The following SSBP2 variants were observed in gnomAD, a reference collection of about 807,000 sequenced individuals.
SSBP2 encodes single stranded DNA binding protein 2, also known as single-stranded DNA-binding protein 2.
Under a neutral mutation model 61.8 loss-of-function variants are expected in SSBP2, and 17 were observed. That is an observed-to-expected ratio of 0.28 (90% CI 0.19 to 0.41). The LOEUF is 0.41. SSBP2 is among the 10% of genes least tolerant of loss of function. SSBP2 has a pLI of 1.00. For synonymous variants in SSBP2, 139 were observed against 141.3 expected (o/e 0.98, Z 0.12); for missense variants, 310 against 458.7 (o/e 0.68, Z 2.96).
chr5:81,669,387 C>T (rs1751409262), intron 1 of SSBP2, among the ~76,000 whole-genome samples: 1 of 152,124 alleles, frequency 6.6e-6, no homozygotes, highest in Admixed American at 6.6e-5. Flanking sequence ...TGTTTGGCAA[C>T]TTTATTCATA....
At chr5:81,520,695 T>C (rs921785755) in intron 4 of SSBP2, among the ~76,000 whole-genome samples, 4 of 152,124 alleles carry the variant, frequency 2.6e-5, no homozygotes, top group Non-Finnish European at 5.9e-5. Flanking sequence ...ACTTAGTAAA[T>C]ATCCTTATTC....
intron 15 of SSBP2, 95 bp downstream of exon 15, chr5:81,437,335 A>G (rs559737790): frequency 8.2e-7 from 1 of 1,216,436 alleles, no homozygotes; most frequent in East Asian, 2.4e-5. Context: ...ACTCTTGTTC[A>G]AGAACAAAAT....
chr5:81,687,082 T>C (rs567968555), intron 1 of SSBP2, among the ~76,000 whole-genome samples: 4 of 152,254 alleles, frequency 2.6e-5, no homozygotes, highest in African/African-American at 9.6e-5. Context: ...TTCGGATCAC[T>C]GAAAGCAGCA....
At chr5:81,660,246 G>C (rs1424068157) in intron 1 of SSBP2, among the ~76,000 whole-genome samples, 1 of 152,028 alleles carries the variant, frequency 6.6e-6, no homozygotes, top group Non-Finnish European at 1.5e-5. Flanking sequence ...TACAGAATGG[G>C]AGAAAATTTT....
chr5:81,662,326 G>T (rs1750760786), intron 1 of SSBP2, among the ~76,000 whole-genome samples: 1 of 151,948 alleles, frequency 6.6e-6, no homozygotes, highest in South Asian at 2.1e-4. Flanking sequence ...AATTAGCCGG[G>T]CATGGTGGCA....
chr5:81,565,559 T>C (rs1773358752), intron 4 of SSBP2, among the ~76,000 whole-genome samples: 1 of 152,186 alleles, frequency 6.6e-6, no homozygotes, highest in Non-Finnish European at 1.5e-5. Flanking sequence ...AATCTATCCT[T>C]AACCACAAGT....
intron 1 of SSBP2, among the ~76,000 whole-genome samples, chr5:81,742,748 T>C (rs1434463872): frequency 6.6e-6 from 1 of 152,052 alleles, no homozygotes; most frequent in Non-Finnish European, 1.5e-5. Flanking sequence ...TGGTGGTGCA[T>C]GCCTGTAATC....
chr5:81,558,694 T>C (rs752120562), intron 4 of SSBP2, among the ~76,000 whole-genome samples: 3 of 152,242 alleles, frequency 2.0e-5, no homozygotes, highest in African/African-American at 4.8e-5. Flanking sequence ...CATGTTTGAA[T>C]ATAAAAGCTT....
chr5:81,525,422 G>C (rs534487675), intron 4 of SSBP2, among the ~76,000 whole-genome samples: 99 of 151,996 alleles, frequency 6.5e-4, no homozygotes, highest in African/African-American at 2.3e-3. Flanking sequence ...TTATAACTGA[G>C]AACATGTGGC....
intron 5 of SSBP2, among the ~76,000 whole-genome samples, chr5:81,498,950 T>C (rs1163252926): frequency 3.9e-5 from 6 of 152,288 alleles, no homozygotes; most frequent in Admixed American, 6.5e-5. Flanking sequence ...GCATAAATTA[T>C]ACATCAAATG....
At chr5:81,716,343 C>A (rs1382834308) in intron 1 of SSBP2, among the ~76,000 whole-genome samples, 2 of 152,112 alleles carry the variant, frequency 1.3e-5, no homozygotes, top group African/African-American at 4.8e-5. Flanking sequence ...AAACAATGTG[C>A]TTGTAAAACA....
intron 2 of SSBP2, among the ~76,000 whole-genome samples, chr5:81,638,534 A>AG (rs1015842708): frequency 6.6e-6 from 1 of 151,652 alleles, no homozygotes; most frequent in East Asian, 1.9e-4. Context: ...GAAAAAAAAA[A>AG]AAGGAGTAAC....
intron 1 of SSBP2, among the ~76,000 whole-genome samples, chr5:81,733,990 C>T (rs1454372362): frequency 2.0e-5 from 3 of 152,096 alleles, no homozygotes; most frequent in Middle Eastern, 6.3e-3. Flanking sequence ...AAGGTAACTA[C>T]AGAAACAATC....
chr5:81,479,737 TA>T, intron 6 of SSBP2, among the ~76,000 whole-genome samples: 1 of 152,300 alleles, frequency 6.6e-6, no homozygotes. Flanking sequence ...AAGTCCTTAG[TA>T]TTTCTTTCAA....
rs755468461 is a variant in SSBP2, at chr5:81,712,720, GTTTC to G, written c.62+38257_62+38260del. Among the ~76,000 whole-genome samples, 626 of 129,498 alleles carry G rather than the reference GTTTC, an allele frequency of 4.8e-3. 2 individuals carry two copies. Among genetic ancestry groups the G allele is most frequent in the Non-Finnish European group, 7.8e-3 (485 of 61,882 alleles). The allele number at this position is 129,498 out of a possible 152,430, so 85.0% of individuals were successfully genotyped here. ...ATGAAAGTAAAGGGACTTTTTGTTTGTTTCTTTGTTTTTTTTTTTTTGTTTTTTT... is the reference window on the plus strand; with the variant it reads ...ATGAAAGTAAAGGGACTTTTTGTTTGTTTGTTTTTTTTTTTTTGTTTTTTT... On this transcript the variant is annotated intron_variant, in intron 1 of 16. Transcript: ENST00000320672.
intron 4 of SSBP2, among the ~76,000 whole-genome samples, chr5:81,554,463 A>C (rs1772441913): frequency 6.6e-6 from 1 of 150,794 alleles, no homozygotes. Context: ...GATAATAATT[A>C]TATATTTAAT....
chr5:81,649,947 T>A (rs1011103280), intron 2 of SSBP2, among the ~76,000 whole-genome samples: 4 of 152,120 alleles, frequency 2.6e-5, no homozygotes, highest in Non-Finnish European at 1.5e-5. Context: ...AGAGATATGG[T>A]TGAGGGTTTA....
intron 4 of SSBP2, among the ~76,000 whole-genome samples, chr5:81,612,335 T>G (rs527398981): frequency 6.6e-6 from 1 of 152,136 alleles, no homozygotes; most frequent in South Asian, 2.1e-4. Flanking sequence ...TTCATTAAGT[T>G]TTTTAGTTTC....
At chr5:81,512,717 C>A (rs553035996) in intron 5 of SSBP2, among the ~76,000 whole-genome samples, 1 of 152,052 alleles carries the variant, frequency 6.6e-6, no homozygotes, top group South Asian at 2.1e-4. Flanking sequence ...TTTATAAGTA[C>A]ATTGATGACC....
Sources: gnomAD v4.1 joint callset for allele counts (sites outside exome capture counted in the v4.1 genomes callset) on GRCh38, gnomAD v4.1.1 for gene constraint, MANE v1.5 for transcripts, NCBI Gene and HGNC (gene_info 2026-07-23, HGNC 2026-07-21) for gene names.